CDC42BPG: variants seen among roughly 807,000 people sequenced by gnomAD.
The protein encoded by CDC42BPG is serine/threonine-protein kinase MRCK gamma.
A neutral mutation model predicts 192.2 loss-of-function variants in CDC42BPG; 157 were observed. The observed-to-expected ratio is 0.82, with a 90% CI of 0.72 to 0.93. CDC42BPG has a LOEUF of 0.93. Among genes scored for constraint, CDC42BPG ranks in the 40% least tolerant of loss-of-function variants. CDC42BPG has a pLI of 0.00. For missense variants in CDC42BPG, 1,992 were observed against 2,122.1 expected (o/e 0.94, Z 1.20); for synonymous variants, 981 against 918.5 (o/e 1.07, Z -1.23).
intron 13 of CDC42BPG, 81 bp downstream of exon 13, chr11:64,836,036 T>C: frequency 6.9e-7 from 1 of 1,455,730 alleles, no homozygotes. Flanking sequence ...AGGCAGCATC[T>C]CCCACCAAGC....
At chr11:64,843,698 T>C (rs547454240) in intron 1 of CDC42BPG, among the ~76,000 whole-genome samples, 1 of 152,300 alleles carries the variant, frequency 6.6e-6, no homozygotes, top group Admixed American at 6.5e-5. Flanking sequence ...CCACTCCCAA[T>C]GACTCAGATG....
intron 11 of CDC42BPG, 82 bp downstream of exon 11, chr11:64,836,657 C>T: frequency 8.8e-7 from 1 of 1,130,252 alleles, no homozygotes; most frequent in Non-Finnish European, 1.2e-6. Context: ...CAGGATCATA[C>T]AGCTTGTCCA....
rs1942457267 is a variant in CDC42BPG at position 64,827,057 on chromosome 11, T to G, written c.4382A>C (p.Lys1461Thr). ...PANGRPGARDKSPAPEEKGRV... is the reference protein window; with the variant it reads ...PANGRPGARDTSPAPEEKGRV... ...TGGCTCCAGAGGACTAACCGGGGACTTGTCCCTGGCGCCGGGCCGCCCGTT... is the reference window on the plus strand; with the variant it reads ...TGGCTCCAGAGGACTAACCGGGGACGTGTCCCTGGCGCCGGGCCGCCCGTT... Residue 1461 changes from lysine (K) to threonine (T), a missense_variant, in exon 34 of 37, where the codon AAG becomes ACG. Transcript: ENST00000342711. The G allele has an allele frequency of 3.1e-6, 5 of 1,607,158 alleles. No individual in the cohort carries two copies. Among genetic ancestry groups the G allele is most frequent in the Middle Eastern group, 3.5e-4 (2 of 5,730 alleles).
intron 20 of CDC42BPG, 64 bp from the exon 21 acceptor site, chr11:64,834,041 G>A (rs1367804173): frequency 2.1e-5 from 34 of 1,603,186 alleles, no homozygotes; most frequent in Non-Finnish European, 2.8e-5. Flanking sequence ...GTCCAGGAGG[G>A]GCCTCAGTTC....
Position 64,827,708 on chromosome 11 carries a change from A to C in CDC42BPG, c.4043T>G (p.Val1348Gly), listed in dbSNP as rs781227682. 6.2e-7 allele frequency: 1 copy of C among 1,612,988 alleles called. No homozygotes were observed. Among genetic ancestry groups the C allele is most frequent in the Admixed American group, 1.7e-5 (1 of 59,894 alleles). The part of the protein sequence containing the change: ...DVFDVRRAEW[V>G]QTVPLKKVRP... Reference sequence around the variant, plus strand: ...CACCTTCTTGAGCGGCACGGTCTGCACCCATTCTGCCCTCCTCACGTCAAA... The same window carrying C: ...CACCTTCTTGAGCGGCACGGTCTGCCCCCATTCTGCCCTCCTCACGTCAAA... The change falls in exon 31 of 37, where the codon GTG becomes GGG. Residue 1348 changes from valine to glycine, a missense_variant. This residue lies in a region of CDC42BPG where 1,656 missense variants were observed against 1,844.3 expected (regional missense o/e 0.90). Transcript: ENST00000342711.
chr11:64,843,094 C>T (rs1390351480), intron 1 of CDC42BPG, among the ~76,000 whole-genome samples: 2 of 152,132 alleles, frequency 1.3e-5, no homozygotes, highest in Non-Finnish European at 2.9e-5. Context: ...CCCAGGCCCA[C>T]AGGCAGGAGG....
chr11:64,834,461 T>G lies in CDC42BPG; in HGVS notation c.2292A>C (p.Thr764=), dbSNP rs7933683. ...CCTGCAGCTGGGCCTCCTGCACCTG[T>G]GTCAGCCGCTCCTGCAGGCCCTGCT... ...RAKQGLQERL[T]QVQEAQLQAE... is the part of the protein sequence containing the mutation. Residue 764 remains threonine (T), a synonymous_variant, in exon 19 of 37, where the codon ACA becomes ACC. Coordinates refer to ENST00000342711, the MANE Select transcript of CDC42BPG (RefSeq NM_017525.3). The G allele has an allele frequency of 6.4e-7, 1 of 1,566,552 alleles. No individual in the cohort carries two copies. Among genetic ancestry groups the G allele is most frequent in the South Asian group, 1.2e-5 (1 of 86,314 alleles).
chr11:64,826,551 C>G lies in CDC42BPG; in HGVS notation c.4518G>C (p.Lys1506Asn). ...EGLGGDADPM[K>N]RKPWTSLSSE... ...TGGACAGGGATGTCCAGGGTTTCCT[C>G]TTCACTGCTCCAGCAGCAGACGAGG... The change falls in exon 36 of 37, where the codon AAG (lysine) becomes AAC (asparagine). Residue 1506 changes from lysine (K) to asparagine (N), a missense_variant. Transcript: ENST00000342711. 6.2e-7 allele frequency: 1 copy of G among 1,601,108 alleles called. No individual in the cohort carries two copies. Among genetic ancestry groups the G allele is most frequent in the Non-Finnish European group, 8.5e-7 (1 of 1,174,560 alleles).
In CDC42BPG at chr11:64,832,714, G is replaced by T; in HGVS notation, c.2895C>A (p.Gly965=). 1.9e-6 allele frequency: 3 copies of T among 1,611,078 alleles called. No individual in the cohort carries two copies. The highest frequency in any genetic ancestry group is 1.7e-6 in the Non-Finnish European group (2 of 1,178,652). Residue 965 remains glycine (G), a synonymous_variant, in exon 26 of 37, where the codon GGC becomes GGA. Coordinates refer to ENST00000342711, the MANE Select transcript of CDC42BPG (RefSeq NM_017525.3). The part of the protein sequence containing the change: ...SVPRPSGVRR[G]WQRVFAALSD... ...TCAGGGCAGCAAACACGCGCTGCCA[G>T]CCCCGCCGGACACCTGAGGGCCGCG...
intron 4 of CDC42BPG, 121 bp downstream of exon 4, chr11:64,840,432 T>C (rs1037300987): frequency 1.1e-4 from 154 of 1,373,038 alleles, no homozygotes; most frequent in Non-Finnish European, 1.5e-4. Flanking sequence ...CAGGAACTGG[T>C]GGGAAGTGGG....
chr11:64,831,330 CCTACCTGGGGG>C (rs1476082858), intron 28 of CDC42BPG, among the ~76,000 whole-genome samples, 164 bp downstream of exon 28: 1 of 152,190 alleles, frequency 6.6e-6, no homozygotes, highest in Non-Finnish European at 1.5e-5. Flanking sequence ...AGCCAGGCCC[CCTACCTGGGGG>C]CCCAGCCATG....
rs765132492 is a variant in CDC42BPG, at chr11:64,838,907, G to A, written c.877-5C>T. 14 of 1,606,430 alleles carry A rather than the reference G, an allele frequency of 8.7e-6. No individual in the cohort carries two copies. The highest frequency in any genetic ancestry group is 1.6e-4 in the Middle Eastern group (1 of 6,080). On this transcript the variant is annotated splice_region_variant and splice_polypyrimidine_tract_variant and intron_variant, in intron 7 of 36. Coordinates refer to ENST00000342711, the MANE Select transcript of CDC42BPG (RefSeq NM_017525.3). ...CGGGGGGAACTGCAGGTGGTCCTGTGGGTCGGGGGAGGGGGCAGGCTGGGT... is the reference window on the plus strand; with the variant it reads ...CGGGGGGAACTGCAGGTGGTCCTGTAGGTCGGGGGAGGGGGCAGGCTGGGT...
intron 18 of CDC42BPG, 22 bp downstream of exon 18, chr11:64,834,827 C>T (rs113413067): frequency 7.0e-5 from 113 of 1,605,072 alleles, no homozygotes; most frequent in Non-Finnish European, 9.3e-5. Flanking sequence ...AGCCAGCCCC[C>T]AGGGGCATCT....
Position 64,823,139 on chromosome 11 carries a change from T to C in CDC42BPG, c.*1334A>G, listed in dbSNP as rs1406249357. On this transcript the variant is annotated 3_prime_UTR_variant, in exon 37 of 37. Transcript: ENST00000342711. ...TCTCACTCTGTCACCCAGGCTGGAG[T>C]GCAGTGGCGCGATCTCGGCTCACTG... 6.7e-6 allele frequency among the ~76,000 whole-genome samples: 1 copy of C among 149,354 alleles called. No homozygotes were observed. The highest frequency in any genetic ancestry group is 2.0e-4 in the East Asian group (1 of 5,098).
At position 64,826,570 on chromosome 11, in the gene CDC42BPG, G is replaced by A. The variant is rs191214442; in HGVS notation, c.4514-15C>T. The A allele has an allele frequency of 1.9e-6, 3 of 1,596,610 alleles. No individual in the cohort carries two copies. The highest frequency in any genetic ancestry group is 1.8e-5 in the Admixed American group (1 of 56,286). ...TTTCCTCTTCACTGCTCCAGCAGCA[G>A]ACGAGGAGACAAAAATACCAAGATC... On this transcript the variant is annotated splice_polypyrimidine_tract_variant and intron_variant, in intron 35 of 36. Coordinates refer to ENST00000342711, the MANE Select transcript of CDC42BPG (RefSeq NM_017525.3).
chr11:64,841,096 A>C (rs1943261914), intron 3 of CDC42BPG, among the ~76,000 whole-genome samples: 1 of 150,036 alleles, frequency 6.7e-6, no homozygotes, highest in Non-Finnish European at 1.5e-5. Flanking sequence ...GGTTGCAGTG[A>C]GCCGAGATCA....
chr11:64,827,567 GGT>G lies in CDC42BPG; in HGVS notation c.4108_4109del (p.Thr1370ArgfsTer176), dbSNP rs1435571306. The G allele has an allele frequency of 6.2e-7, 1 of 1,612,486 alleles. No homozygotes were observed. Among genetic ancestry groups the G allele is most frequent in the Non-Finnish European group, 8.5e-7 (1 of 1,179,216 alleles). On this transcript the variant is annotated frameshift_variant, in exon 32 of 37. Coordinates refer to ENST00000342711, the MANE Select transcript of CDC42BPG (RefSeq NM_017525.3). LOFTEE classifies it high-confidence loss of function. ...NPEGSLFLYG[T>X]EKVRLTYLRN... ...TGAGGTAGGTCAGGCGGACCTTCTC[GGT>G]GCCGTAGAGGAACAGGGAGCCCTCT...
In CDC42BPG at chr11:64,836,711, G is replaced by GGGC. The variant is rs1555173139; in HGVS notation, c.1384+27_1384+28insGCC. 1.3e-5 allele frequency: 8 copies of GGGC among 608,652 alleles called. 2 individuals are homozygous for GGGC. Among genetic ancestry groups the GGGC allele is most frequent in the South Asian group, 2.3e-5 (1 of 43,704 alleles). The allele number at this position is 608,652 out of a possible 1,614,324, so 37.7% of individuals were successfully genotyped here. A position where few individuals can be genotyped will look rare whatever the true frequency, so the allele number is the denominator to read the frequency against. Reference sequence around the variant, plus strand: ...GCCCAGGTGGGACTCAGCCCTGGGGGGGGGGGGGGGGTGGGCGGAAGGGAT... The same window carrying GGGC: ...GCCCAGGTGGGACTCAGCCCTGGGGGGGCGGGGGGGGGGGTGGGCGGAAGGGAT... On this transcript the variant is annotated intron_variant, in intron 11 of 36. Coordinates refer to ENST00000342711, the MANE Select transcript of CDC42BPG (RefSeq NM_017525.3).
At chr11:64,830,866 CA>C (rs983189917) in intron 28 of CDC42BPG, among the ~76,000 whole-genome samples, 1 of 152,248 alleles carries the variant, frequency 6.6e-6, no homozygotes, top group African/African-American at 2.4e-5. Flanking sequence ...GCAGCTCCCC[CA>C]GTCCCCCAGC....
Sources: allele counts gnomAD v4.1 joint callset (sites outside exome capture counted in the v4.1 genomes callset), GRCh38; gene constraint gnomAD v4.1.1; regional missense constraint gnomAD v4.1.1; transcripts MANE v1.5; gene names NCBI Gene and HGNC (gene_info 2026-07-23, HGNC 2026-07-21).